DNAH9: variants seen among roughly 807,000 people sequenced by gnomAD.
DNAH9 encodes dynein axonemal heavy chain 9.
A neutral mutation model predicts 471.6 loss-of-function variants in DNAH9; 345 were observed. The observed-to-expected ratio is 0.73, with a 90% confidence interval of 0.67 to 0.80. The LOEUF is 0.80. Among genes scored for constraint, DNAH9 ranks in the 30% least tolerant of loss-of-function variants. DNAH9 has a pLI of 0.00. For missense variants in DNAH9, 5,407 were observed against 5,609.2 expected (o/e 0.96, Z 1.15); for synonymous variants, 2,093 against 2,123.6 (o/e 0.99, Z 0.40).
At chr17:11,716,885 C>G (rs370085224) in intron 26 of DNAH9, among the ~76,000 whole-genome samples, 5 of 152,298 alleles carry the variant, frequency 3.3e-5, no homozygotes, top group East Asian at 1.9e-4. Context: ...AGGCAGGGGG[C>G]CATGGCAGGC....
At chr17:11,845,274 C>G (rs11654696) in intron 49 of DNAH9, among the ~76,000 whole-genome samples, 2 of 114,570 alleles carry the variant, frequency 1.7e-5, no homozygotes, top group African/African-American at 2.9e-5. Context: ...TTTGTTCTTG[C>G]GATAGTTTAC....
intron 26 of DNAH9, among the ~76,000 whole-genome samples, chr17:11,714,681 C>T (rs2074929314): frequency 6.6e-6 from 1 of 152,080 alleles, no homozygotes; most frequent in Non-Finnish European, 1.5e-5. Flanking sequence ...TATATAAGCC[C>T]TTAAAAACAG....
intron 8 of DNAH9, among the ~76,000 whole-genome samples, chr17:11,633,394 A>G (rs2073104372): frequency 6.6e-6 from 1 of 152,198 alleles, no homozygotes; most frequent in African/African-American, 2.4e-5. Flanking sequence ...TTAAGATGGA[A>G]TGGACTTCTT....
At chr17:11,822,166 G>A in intron 46 of DNAH9, 104 bp downstream of exon 46, 2 of 1,366,892 alleles carry the variant, frequency 1.5e-6, no homozygotes, top group Non-Finnish European at 2.0e-6. Context: ...GTCTAGAGTA[G>A]GTGGTGAGTG....
In DNAH9 at chr17:11,598,797, C is replaced by A. The variant is rs868475686; in HGVS notation, c.299C>A (p.Ala100Glu). ...GAGTCGGGCCTGGCTGGCGCTAAGG[C>A]GCTTTTTTTCCTTCGCACCGGGCCC... ...GPESGLAGAK[A>E]LFFLRTGPEP... The change falls in exon 1 of 69, where the codon GCG becomes GAG. Residue 100 changes from alanine to glutamate, a missense_variant. Ala to Glu is a moderately radical substitution (Grantham distance 107). This residue lies in a region of DNAH9 where 767 missense variants were observed against 692.5 expected (regional missense o/e 1.11). Coordinates refer to ENST00000262442, the MANE Select transcript of DNAH9 (RefSeq NM_001372.4). 4 of 1,478,492 alleles carry A rather than the reference C, an allele frequency of 2.7e-6. No homozygotes were observed. The African/African-American group carries it at 5.9e-5, about 22-fold the overall frequency. The allele number at this position is 1,478,492 out of a possible 1,614,324, so 91.6% of individuals were successfully genotyped here.
At chr17:11,776,732 A>G (rs951458152) in intron 38 of DNAH9, among the ~76,000 whole-genome samples, 1 of 152,222 alleles carries the variant, frequency 6.6e-6, no homozygotes, top group Non-Finnish European at 1.5e-5. Context: ...TCTGATATCT[A>G]GAGCATATGG....
rs778802993 is a variant in DNAH9, at chr17:11,629,588, G to A, written c.1518+4G>A. On this transcript the variant is annotated splice_donor_region_variant and intron_variant, in intron 7 of 68. Transcript: ENST00000262442. ...CTGCCTGTACCTCCAAAGCACGGTA[G>A]GGTTGGGAAGGGCTGAATCGCCAGC... The A allele has an allele frequency of 4.2e-5, 68 of 1,611,356 alleles. No homozygotes were observed. The Admixed American group carries it at 1.1e-3, about 27-fold the overall frequency.
chr17:11,719,262 A>G, intron 26 of DNAH9, 72 bp from the exon 27 acceptor site: 1 of 1,462,866 alleles, frequency 6.8e-7, no homozygotes, highest in South Asian at 1.2e-5. Context: ...CAGATCTCAC[A>G]TGGCCTTGAG....
chr17:11,598,503 G>C lies in DNAH9; in HGVS notation c.5G>C (p.Arg2Pro). The change falls in exon 1 of 69, where the codon CGG (arginine) becomes CCG (proline). Residue 2 changes from arginine (R) to proline (P), a missense_variant. Around this residue, in one of 3 missense-constraint regions of DNAH9, gnomAD observed 767 missense variants for 692.5 expected, o/e 1.11. Transcript: ENST00000262442. ...TGCAGCTGGAGGCCGCGCGCGATGC[G>C]GCTCGCGGAGGAGCGGGCCGCGCTC... MRLAEERAALAA... is the reference protein window; with the variant it reads MPLAEERAALAA... The C allele has an allele frequency of 7.4e-7, 1 of 1,357,402 alleles. No homozygotes were observed. 84.1% of individuals were successfully genotyped at this position (1,357,402 alleles called of 1,614,324 possible).
At chr17:11,786,892 G>A (rs751723450) in intron 41 of DNAH9, among the ~76,000 whole-genome samples, 9 of 152,234 alleles carry the variant, frequency 5.9e-5, no homozygotes, top group Admixed American at 2.6e-4. Flanking sequence ...CCAGCCAGGC[G>A]TCTTTGCAGC....
intron 26 of DNAH9, among the ~76,000 whole-genome samples, chr17:11,709,971 T>C (rs1022125986): frequency 6.6e-5 from 10 of 152,192 alleles, no homozygotes; most frequent in Non-Finnish European, 1.2e-4. Context: ...AAAAGTCGTA[T>C]GCTCTCTCTT....
At chr17:11,779,976 A>G (rs1431110165) in intron 38 of DNAH9, among the ~76,000 whole-genome samples, 1 of 151,414 alleles carries the variant, frequency 6.6e-6, no homozygotes, top group African/African-American at 2.5e-5. Context: ...TTGTTTTTCA[A>G]GAGAAGAAAT....
chr17:11,640,112 T>G (rs867746847), intron 9 of DNAH9, among the ~76,000 whole-genome samples, 158 bp from the exon 10 acceptor site: 1 of 152,190 alleles, frequency 6.6e-6, no homozygotes, highest in Non-Finnish European at 1.5e-5. Context: ...TCTTTCTTCC[T>G]CTTTAACAGA....
chr17:11,875,417 G>T (rs1437955137), intron 53 of DNAH9, among the ~76,000 whole-genome samples: 1 of 152,090 alleles, frequency 6.6e-6, no homozygotes, highest in Non-Finnish European at 1.5e-5. Flanking sequence ...GACCCATTCT[G>T]GGGTCCTTTC....
chr17:11,631,185 G>A (rs906988708), intron 7 of DNAH9, among the ~76,000 whole-genome samples: 1 of 152,016 alleles, frequency 6.6e-6, no homozygotes, highest in African/African-American at 2.4e-5. Flanking sequence ...CAACCTGTAA[G>A]TCCACATGCA....
chr17:11,859,377 A>C (rs1313933897), intron 50 of DNAH9, among the ~76,000 whole-genome samples: 2 of 142,032 alleles, frequency 1.4e-5, no homozygotes, highest in African/African-American at 5.3e-5. Context: ...GTGCCATTGC[A>C]CTCCAGCCTG....
At chr17:11,827,071 C>T (rs577981554) in intron 48 of DNAH9, among the ~76,000 whole-genome samples, 1 of 152,184 alleles carries the variant, frequency 6.6e-6, no homozygotes, top group African/African-American at 2.4e-5. Context: ...GTGATCCACC[C>T]GTCTTGGCCT....
chr17:11,963,507 A>G (rs1474189584), intron 68 of DNAH9, among the ~76,000 whole-genome samples: 1 of 152,114 alleles, frequency 6.6e-6, no homozygotes, highest in Non-Finnish European at 1.5e-5. Context: ...GGATTATTAG[A>G]GGGTGTAGGG....
At chr17:11,918,795 A>G (rs1483604500) in intron 61 of DNAH9, among the ~76,000 whole-genome samples, 2 of 151,822 alleles carry the variant, frequency 1.3e-5, no homozygotes, top group African/African-American at 4.8e-5. Flanking sequence ...AGACCAGTTT[A>G]GCCAACATGG....
Sources: allele counts gnomAD v4.1 joint callset (sites outside exome capture counted in the v4.1 genomes callset), GRCh38; gene constraint gnomAD v4.1.1; regional missense constraint gnomAD v4.1.1; transcripts MANE v1.5; gene names NCBI Gene and HGNC (gene_info 2026-07-23, HGNC 2026-07-21).